Variants in NDST4 observed in about 807,000 individuals in gnomAD.
NDST4 encodes N-deacetylase and N-sulfotransferase 4.
A neutral mutation model predicts 100.8 loss-of-function variants in NDST4; 63 were observed. That is an observed-to-expected ratio of 0.62 (90% confidence interval 0.51 to 0.77). NDST4 has a LOEUF of 0.77. Ranked by LOEUF, NDST4 falls within the 30% of genes least tolerant of loss-of-function variation. The pLI is 0.00. For synonymous variants in NDST4, 377 were observed against 361.8 expected (o/e 1.04, Z -0.48); for missense variants, 943 against 1,018.4 (o/e 0.93, Z 1.01).
chr4:115,051,628 T>A (rs1325123048), intron 2 of NDST4, among the ~76,000 whole-genome samples: 1 of 152,148 alleles, frequency 6.6e-6, no homozygotes, highest in Non-Finnish European at 1.5e-5. Flanking sequence ...TACTTCACTG[T>A]GTATATGTAG....
intron 2 of NDST4, among the ~76,000 whole-genome samples, chr4:115,000,609 G>A (rs889760722): frequency 6.6e-6 from 1 of 152,188 alleles, no homozygotes; most frequent in Admixed American, 6.6e-5. Flanking sequence ...TATTAATGAA[G>A]TAGTAGTCCA....
At chr4:114,996,132 C>T (rs1171298305) in intron 2 of NDST4, among the ~76,000 whole-genome samples, 2 of 152,038 alleles carry the variant, frequency 1.3e-5, no homozygotes, top group African/African-American at 2.4e-5. Context: ...ATTGTAATCC[C>T]CATAATCTCC....
At chr4:114,828,090 C>T (rs1723120330) in intron 13 of NDST4, among the ~76,000 whole-genome samples, 155 bp from the exon 14 acceptor site, 1 of 151,964 alleles carries the variant, frequency 6.6e-6, no homozygotes, top group Non-Finnish European at 1.5e-5. Flanking sequence ...GTTATTTTTA[C>T]CTTTTGAAAA....
rs191825918 is a variant in NDST4 at position 115,026,836 on chromosome 4, C to T, written c.978+49223G>A. On this transcript the variant is annotated intron_variant, in intron 2 of 13. Transcript: ENST00000264363. Reference sequence around the variant, plus strand: ...ATGTAGGACTTTAGGTAGGATTTGTCTGATTTGTATTTTAATAGATATTTC... The same window carrying T: ...ATGTAGGACTTTAGGTAGGATTTGTTTGATTTGTATTTTAATAGATATTTC... 2.8e-3 allele frequency among the ~76,000 whole-genome samples: 426 copies of T among 152,138 alleles called. 4 individuals are homozygous for T. The highest frequency in any genetic ancestry group is 4.7e-3 in the Non-Finnish European group (322 of 68,012).
intron 1 of NDST4, among the ~76,000 whole-genome samples, chr4:115,094,112 TA>T (rs1729574501): frequency 6.6e-6 from 1 of 151,542 alleles, no homozygotes; most frequent in Admixed American, 6.6e-5. Flanking sequence ...CTTCAGATGT[TA>T]AAAAAATAAA....
chr4:114,879,721 C>A (rs1273703178), intron 6 of NDST4, among the ~76,000 whole-genome samples: 2 of 152,124 alleles, frequency 1.3e-5, no homozygotes, highest in African/African-American at 2.4e-5. Context: ...ACATACACTT[C>A]TTTGCCAGTA....
chr4:115,084,497 G>C (rs998726792), intron 1 of NDST4, among the ~76,000 whole-genome samples: 1 of 152,182 alleles, frequency 6.6e-6, no homozygotes, highest in East Asian at 1.9e-4. Context: ...AGACCTTCAT[G>C]GTAGCCCCTC....
chr4:115,084,159 T>C (rs1578509888), intron 1 of NDST4, among the ~76,000 whole-genome samples: 1 of 152,092 alleles, frequency 6.6e-6, no homozygotes, highest in East Asian at 1.9e-4. Flanking sequence ...ATCTCAGATG[T>C]TGATGAGGAA....
intron 2 of NDST4, among the ~76,000 whole-genome samples, chr4:115,049,377 C>T (rs1728533959): frequency 6.6e-6 from 1 of 151,968 alleles, no homozygotes; most frequent in South Asian, 2.1e-4. Flanking sequence ...ATTGAGGATT[C>T]TGTCATTGAT....
rs76585538 is a variant in NDST4 at position 114,879,809 on chromosome 4, C to T, written c.1537-8859G>A. ...CACAAGGGGAAAAACAAAACACTAT[C>T]CTAAAACCCTGAAAACAGCTGGCAT... is the stretch of plus-strand genomic sequence containing the variant. On this transcript the variant is annotated intron_variant, in intron 6 of 13. Transcript: ENST00000264363. 5.1e-3 allele frequency among the ~76,000 whole-genome samples: 771 copies of T among 152,254 alleles called. 4 individuals are homozygous for T. The highest frequency in any genetic ancestry group is 0.02 in the East Asian group (106 of 5,182).
chr4:115,051,910 A>G (rs750495972), intron 2 of NDST4, among the ~76,000 whole-genome samples: 2 of 152,160 alleles, frequency 1.3e-5, no homozygotes, highest in African/African-American at 2.4e-5. Context: ...CAAAATTTAC[A>G]TTCTCAGAAA....
At chr4:114,989,202 T>A (rs116738179) in intron 2 of NDST4, among the ~76,000 whole-genome samples, 4,062 of 152,240 alleles carry the variant, frequency 0.027, 122 homozygotes, top group African/African-American at 0.067. Context: ...AGAACAGCAA[T>A]ACCAAAAATG....
At chr4:115,040,247 G>T (rs1432243422) in intron 2 of NDST4, among the ~76,000 whole-genome samples, 1 of 149,362 alleles carries the variant, frequency 6.7e-6, no homozygotes, top group Non-Finnish European at 1.5e-5. Context: ...ATATACAATA[G>T]ATCTAAATAT....
intron 6 of NDST4, among the ~76,000 whole-genome samples, chr4:114,894,087 C>T (rs959618675): frequency 1.3e-5 from 2 of 152,056 alleles, no homozygotes; most frequent in Non-Finnish European, 2.9e-5. Context: ...TGTTCTGCTC[C>T]ATTGATCTAT....
chr4:115,087,338 C>T (rs1430191414), intron 1 of NDST4, among the ~76,000 whole-genome samples: 2 of 152,048 alleles, frequency 1.3e-5, no homozygotes, highest in Non-Finnish European at 2.9e-5. Flanking sequence ...ATCTGACATC[C>T]ATTCAGCAAA....
intron 2 of NDST4, among the ~76,000 whole-genome samples, chr4:115,007,435 C>T (rs1433758293): frequency 3.3e-5 from 5 of 152,072 alleles, no homozygotes; most frequent in South Asian, 2.1e-4. Flanking sequence ...AAGTGAGAAG[C>T]GAATGTAGAC....
At chr4:114,872,735 C>G (rs1000927645) in intron 6 of NDST4, among the ~76,000 whole-genome samples, 14 of 151,770 alleles carry the variant, frequency 9.2e-5, no homozygotes, top group Non-Finnish European at 1.5e-5. Context: ...TGTTATTGTC[C>G]CCTTTTACAG....
At chr4:114,857,269 G>C (rs1034849138) in intron 7 of NDST4, among the ~76,000 whole-genome samples, 3 of 152,172 alleles carry the variant, frequency 2.0e-5, no homozygotes, top group African/African-American at 7.2e-5. Context: ...CTATGGAAGA[G>C]AGTGTTTGTC....
At chr4:114,850,611 G>GA (rs1254935916) in intron 8 of NDST4, among the ~76,000 whole-genome samples, 1 of 151,908 alleles carries the variant, frequency 6.6e-6, no homozygotes, top group Non-Finnish European at 1.5e-5. Flanking sequence ...GGAAGAAGAG[G>GA]AAAAAATCCT....
Sources: allele counts gnomAD v4.1 joint callset (sites outside exome capture counted in the v4.1 genomes callset), GRCh38; gene constraint gnomAD v4.1.1; transcripts MANE v1.5; gene names NCBI Gene and HGNC (gene_info 2026-07-23, HGNC 2026-07-21).